TAF6L: variants seen among roughly 807,000 people sequenced by gnomAD.
The protein encoded by TAF6L is TAF6-like RNA polymerase II p300/CBP-associated factor-associated factor 65 kDa subunit 6L.
Under a neutral mutation model 57.3 loss-of-function variants are expected in TAF6L, and 34 were observed. The ratio of observed to expected loss-of-function variants is 0.59; its 90% confidence interval spans 0.45 to 0.79. The LOEUF is 0.79. Among genes scored for constraint, TAF6L ranks in the 30% least tolerant of loss-of-function variants. The pLI is 0.00. For missense variants in TAF6L, 782 were observed against 853.2 expected (o/e 0.92, Z 1.04); for synonymous variants, 417 against 376.3 (o/e 1.11, Z -1.25).
intron 1 of TAF6L, among the ~76,000 whole-genome samples, chr11:62,775,062 CA>C (rs35218634): frequency 1.3e-3 from 81 of 62,832 alleles, no homozygotes; most frequent in Admixed American, 2.3e-3. Flanking sequence ...GACTCTGTCT[CA>C]AAAAAAAAAA....
rs759474304 is a variant in TAF6L, at chr11:62,786,894, G to A, written c.1467G>A (p.Thr489=). Residue 489 remains threonine (T), a synonymous_variant, in exon 11 of 11, where the codon ACG becomes ACA. Transcript: ENST00000294168. ...CGGTGCGGAAGATGCCGCAGCTGAC[G>A]GCAAGCGCCATAGTCAGCCCGCACG... ...PDSVRKMPQL[T]ASAIVSPHGD... 1.3e-6 allele frequency: 2 copies of A among 1,554,064 alleles called. No individual in the cohort carries two copies. The highest frequency in any genetic ancestry group is 1.7e-6 in the Non-Finnish European group (2 of 1,158,958).
chr11:62,787,122 CG>C lies in TAF6L; in HGVS notation c.1698del (p.Arg567GlyfsTer34), dbSNP rs2134731925. The C allele has an allele frequency of 6.4e-7, 1 of 1,557,092 alleles. No individual in the cohort carries two copies. Among genetic ancestry groups the C allele is most frequent in the East Asian group, 2.4e-5 (1 of 41,622 alleles). On this transcript the variant is annotated frameshift_variant, in exon 11 of 11. Coordinates refer to ENST00000294168, the MANE Select transcript of TAF6L (RefSeq NM_006473.4). LOFTEE classifies it high-confidence loss of function. ...CCCCGCACTTTCGTTTCATCATAGC[CG>C]GGCGGCAGGCTGGGAGGCGCTGCCG... ...GAPHFRFIIA[G>X]RQAGRRCRGR...
chr11:62,786,796 G>T lies in TAF6L; in HGVS notation c.1369G>T (p.Gly457Cys), dbSNP rs773128852. The change falls in exon 11 of 11, where the codon GGC (glycine) becomes TGC (cysteine). Residue 457 changes from glycine (G) to cysteine (C), a missense_variant. By Grantham distance (159) the Gly-to-Cys change is radical. Transcript: ENST00000294168. ...CGGTGACAGCTTGGCCACACGCTTT[G>T]GCACCGGCCAGCCTGCACCCACGGC... The part of the protein sequence containing the change: ...FFGDSLATRF[G>C]TGQPAPTAPR... 3.7e-6 allele frequency: 6 copies of T among 1,610,416 alleles called. No homozygotes were observed. The Admixed American group carries it at 1.0e-4, about 27-fold the overall frequency.
In TAF6L at chr11:62,776,373, C is replaced by T. The variant is rs142944274; in HGVS notation, c.148-11C>T. On this transcript the variant is annotated splice_polypyrimidine_tract_variant and intron_variant, in intron 2 of 10. Transcript: ENST00000294168. ...ATCCTTTGACTCTGGCTTTTGTTCC[C>T]TCCCTCCCAGAATAGCTCTCAGTTC... is the stretch of plus-strand genomic sequence containing the variant. 4.0e-3 allele frequency: 6,376 copies of T among 1,612,982 alleles called. 220 individuals carry two copies. In the African/African-American group the frequency reaches 0.078, roughly 20 times the overall value.
At chr11:62,772,303 C>T (rs1039520275) in intron 1 of TAF6L, among the ~76,000 whole-genome samples, 19 of 152,038 alleles carry the variant, frequency 1.2e-4, no homozygotes, top group African/African-American at 4.4e-4. Context: ...ACCTGGATTG[C>T]CTGAGCTCAG....
chr11:62,782,663 CCCCT>C (rs1565189269), intron 8 of TAF6L, 26 bp from the exon 9 acceptor site: 1 of 1,606,902 alleles, frequency 6.2e-7, no homozygotes, highest in Non-Finnish European at 8.5e-7. Flanking sequence ...ATGCCTCATT[CCCCT>C]CCCTAACTGA....
rs2084200112 is a variant in TAF6L at position 62,778,056 on chromosome 11, C to T, written c.313C>T (p.Arg105Ter). Reference sequence around the variant, plus strand: ...GGGTGAACTCTACTTTCCTGAGGATCGAGAGGTGAACCTGGTGGAGCTGGC... The same window carrying T: ...GGGTGAACTCTACTTTCCTGAGGATTGAGAGGTGAACCTGGTGGAGCTGGC... Reference protein sequence around the residue: ...REGELYFPEDREVNLVELALA... With the variant: ...REGELYFPED Residue 105 changes from arginine (R) to a stop codon, truncating the protein, a stop_gained, in exon 4 of 11, where the codon CGA (arginine) becomes TGA (stop). Transcript: ENST00000294168. LOFTEE classifies it high-confidence loss of function. 1.2e-6 allele frequency: 2 copies of T among 1,614,094 alleles called. No homozygotes were observed. The highest frequency in any genetic ancestry group is 2.2e-5 in the East Asian group (1 of 44,870).
At position 62,787,230 on chromosome 11, in the gene TAF6L, C is replaced by T. The variant is rs1214088366; in HGVS notation, c.1803C>T (p.Ile601=). 7 of 1,576,508 alleles carry T rather than the reference C, an allele frequency of 4.4e-6. No homozygotes were observed. Among genetic ancestry groups the T allele is most frequent in the Admixed American group, 1.7e-5 (1 of 57,374 alleles). The change falls in exon 11 of 11, where the codon ATC becomes ATT. Residue 601 remains isoleucine (I), a synonymous_variant. Coordinates refer to ENST00000294168, the MANE Select transcript of TAF6L (RefSeq NM_006473.4). ...GCTACGTGCAGAAACTGCCCATGAT[C>T]GGCCGTACCAGCCGCCCCGCCCGCC... ...ASRYVQKLPM[I]GRTSRPARRW...
In TAF6L at chr11:62,786,956, C is replaced by T. The variant is rs750737640; in HGVS notation, c.1529C>T (p.Pro510Leu). ...CCCCGGGGCAGCGGCGGAGGCGGCC[C>T]CGCGTCGGCCTCTGGGCCCGCCGCC... ...ESPRGSGGGGPASASGPAASE... is the reference protein window; with the variant it reads ...ESPRGSGGGGLASASGPAASE... Residue 510 changes from proline to leucine, a missense_variant, in exon 11 of 11, where the codon CCC becomes CTC. By Grantham distance (98) the Pro-to-Leu change is moderately conservative (BLOSUM62 -3). Transcript: ENST00000294168. The T allele has an allele frequency of 6.9e-6, 10 of 1,447,842 alleles. No homozygotes were observed. The South Asian group carries it at 6.9e-5, about 10-fold the overall frequency. 89.7% of individuals were successfully genotyped at this position (1,447,842 alleles called of 1,614,324 possible). A position where few individuals can be genotyped will look rare whatever the true frequency, so the allele number is the denominator to read the frequency against.
Position 62,786,266 on chromosome 11 carries a change from G to A in TAF6L, c.967G>A (p.Glu323Lys). ...GLHALGWKAV[E>K]RVLYPHLSTY... ...TTCCTTCTCTTCCTTCCAGGCAGTA[G>A]AACGAGTCCTGTACCCACACCTGTC... The change falls in exon 10 of 11, where the codon GAA becomes AAA. Residue 323 changes from glutamate (E) to lysine (K), a missense_variant. Transcript: ENST00000294168. 4 of 1,611,808 alleles carry A rather than the reference G, an allele frequency of 2.5e-6. No homozygotes were observed. Among genetic ancestry groups the A allele is most frequent in the Non-Finnish European group, 3.4e-6 (4 of 1,178,082 alleles).
At chr11:62,786,017 G>C (rs2084271476) in intron 9 of TAF6L, 3 of 423,012 alleles carry the variant, frequency 7.1e-6, no homozygotes, top group Non-Finnish European at 8.7e-6. Flanking sequence ...TTAGCACACA[G>C]GGCAGTGATA....
chr11:62,784,908 T>C (rs2084258938), intron 9 of TAF6L, among the ~76,000 whole-genome samples: 1 of 152,218 alleles, frequency 6.6e-6, no homozygotes, highest in Non-Finnish European at 1.5e-5. Flanking sequence ...GTACTGTCCT[T>C]GTCTGGTTTT....
chr11:62,785,272 AC>A (rs1361252805), intron 9 of TAF6L, among the ~76,000 whole-genome samples: 1 of 151,440 alleles, frequency 6.6e-6, no homozygotes, highest in Non-Finnish European at 1.5e-5. Context: ...GCTCACTGCA[AC>A]CTCTGCCTCC....
At position 62,787,307 on chromosome 11, in the gene TAF6L, C is replaced by T. The variant is rs748715125; in HGVS notation, c.*11C>T. On this transcript the variant is annotated 3_prime_UTR_variant, in exon 11 of 11. Transcript: ENST00000294168. The stretch of plus-strand genomic sequence containing the variant: ...TACTTGCCGCTCTGAGTCAGTGGCC[C>T]CTTCGTTCCTTGTAAATAAATCCCG... 7.8e-6 allele frequency: 12 copies of T among 1,529,966 alleles called. No individual in the cohort carries two copies. The highest frequency in any genetic ancestry group is 4.6e-5 in the East Asian group (2 of 43,124). The allele number at this position is 1,529,966 out of a possible 1,614,324, so 94.8% of individuals were successfully genotyped here.
chr11:62,785,661 A>G (rs995311416), intron 9 of TAF6L, among the ~76,000 whole-genome samples: 1 of 151,714 alleles, frequency 6.6e-6, no homozygotes, highest in African/African-American at 2.4e-5. Context: ...CAGCCTCCCA[A>G]GTAGTTGAGA....
chr11:62,781,814 C>T, intron 6 of TAF6L, 80 bp from the exon 7 acceptor site: 3 of 1,163,962 alleles, frequency 2.6e-6, no homozygotes, highest in Middle Eastern at 2.0e-4. Context: ...TAAGGTGATA[C>T]ACTGTCTTCC....
In TAF6L at chr11:62,779,829, C is replaced by G. The variant is rs2134710539; in HGVS notation, c.531+866C>G. Among the ~76,000 whole-genome samples the G allele has an allele frequency of 1.4e-5, 2 of 147,926 alleles. 1 individual carries two copies. The highest frequency in any genetic ancestry group is 4.3e-4 in the South Asian group (2 of 4,660). On this transcript the variant is annotated intron_variant, in intron 6 of 10. Coordinates refer to ENST00000294168, the MANE Select transcript of TAF6L (RefSeq NM_006473.4). ...TACAGGGGCATACCACCATGCCTGG[C>G]TAATTTTTGCATTTTTAGTAGAGAT...
In TAF6L at chr11:62,786,383, A is replaced by G; in HGVS notation, c.1084A>G (p.Ile362Val). 1 of 1,613,968 alleles carries G rather than the reference A, an allele frequency of 6.2e-7. No homozygotes were observed. The highest frequency in any genetic ancestry group is 1.1e-5 in the South Asian group (1 of 91,080). Residue 362 changes from isoleucine (I) to valine (V), a missense_variant, in exon 10 of 11, where the codon ATT (isoleucine) becomes GTT (valine). Physicochemically the swap from Ile to Val is conservative, Grantham distance 29 (BLOSUM62 3). This residue lies in a region of TAF6L where 483 missense variants were observed against 445.1 expected (regional missense o/e 1.09). Transcript: ENST00000294168. ...KADGHKVYGA[I>V]LVAVERLLKM... ...AGATGGACACAAAGTCTATGGAGCCATTCTGGTGAGTACCGTCCCCTTCCA... is the reference window on the plus strand; with the variant it reads ...AGATGGACACAAAGTCTATGGAGCCGTTCTGGTGAGTACCGTCCCCTTCCA...
chr11:62,786,332 T>TCA lies in TAF6L; in HGVS notation c.1034_1035dup (p.Val346GlnfsTer22). On this transcript the variant is annotated frameshift_variant, in exon 10 of 11. Transcript: ENST00000294168. LOFTEE classifies it high-confidence loss of function. The stretch of plus-strand genomic sequence containing the variant: ...CTTGCAGGCTGTGCTGGATGATTAT[T>TCA]CAGTATCTAATGCCCAGGTCAAAGC... The TCA allele has an allele frequency of 1.9e-6, 3 of 1,614,170 alleles. No individual in the cohort carries two copies. Among genetic ancestry groups the TCA allele is most frequent in the Non-Finnish European group, 2.5e-6 (3 of 1,180,024 alleles).
Sources: allele counts gnomAD v4.1 joint callset (sites outside exome capture counted in the v4.1 genomes callset), GRCh38; gene constraint gnomAD v4.1.1; regional missense constraint gnomAD v4.1.1; transcripts MANE v1.5; gene names NCBI Gene and HGNC (gene_info 2026-07-23, HGNC 2026-07-21).